The following STARD13 variants were observed in gnomAD, a reference collection of about 807,000 sequenced individuals.
The protein encoded by STARD13 is StAR related lipid transfer domain containing 13, also known as stAR-related lipid transfer protein 13.
STARD13 carries 62 observed loss-of-function variants against 106.4 expected under a neutral mutation model. That is an observed-to-expected ratio of 0.58 (90% CI 0.48 to 0.72). The LOEUF (loss-of-function observed/expected upper bound fraction) is 0.72. STARD13 is among the 30% of genes least tolerant of loss of function. STARD13 has a pLI of 0.00. For missense variants in STARD13, 1,387 were observed against 1,424.0 expected (o/e 0.97, Z 0.42); for synonymous variants, 565 against 553.0 (o/e 1.02, Z -0.31).
chr13:33,558,276 A>G, the STARD13 span, among the ~76,000 whole-genome samples: 1 of 152,190 alleles, frequency 6.6e-6, no homozygotes, highest in Non-Finnish European at 1.5e-5. Flanking sequence ...CTTATCTATA[A>G]ATTGGGGATG....
intron 1 of STARD13, among the ~76,000 whole-genome samples, chr13:33,304,188 C>A (rs767155717): frequency 6.6e-6 from 1 of 152,184 alleles, no homozygotes; most frequent in Non-Finnish European, 1.5e-5. Context: ...TGTTACTGAG[C>A]CATAGATGTC....
the STARD13 span, among the ~76,000 whole-genome samples, chr13:33,518,249 T>C: frequency 6.6e-6 from 1 of 152,162 alleles, no homozygotes; most frequent in Admixed American, 6.5e-5. Context: ...CAGATTTACT[T>C]GGGCAAGACA....
chr13:33,614,248 G>T, the STARD13 span, among the ~76,000 whole-genome samples: 23 of 115,818 alleles, frequency 2.0e-4, no homozygotes, highest in African/African-American at 5.6e-4. Context: ...TAAATAGACC[G>T]TATCTCTATG....
chr13:33,333,293 C>T (rs1389736603), intron 1 of STARD13, among the ~76,000 whole-genome samples: 1 of 152,068 alleles, frequency 6.6e-6, no homozygotes, highest in Non-Finnish European at 1.5e-5. Flanking sequence ...GAGGCTGAGG[C>T]ATGACAATAG....
the STARD13 span, among the ~76,000 whole-genome samples, chr13:33,396,689 C>G: frequency 6.6e-6 from 1 of 152,280 alleles, no homozygotes; most frequent in South Asian, 2.1e-4. Flanking sequence ...AAGGGGATAT[C>G]TGATTCTACC....
intron 1 of STARD13, among the ~76,000 whole-genome samples, chr13:33,201,841 C>T (rs1887059713): frequency 6.6e-6 from 1 of 152,156 alleles, no homozygotes; most frequent in Non-Finnish European, 1.5e-5. Flanking sequence ...GTGTAAAGAA[C>T]CTAAAAATGG....
Position 33,129,757 on chromosome 13 carries a change from G to A in STARD13, c.920C>T (p.Pro307Leu). ...SFKAMQCIQIPNGDLQNSPPP... is the reference protein window; with the variant it reads ...SFKAMQCIQILNGDLQNSPPP... ...CGGCGAATTCTGGAGATCTCCATTT[G>A]GTATTTGGATGCACTGCATAGCCTT... The change falls in exon 5 of 14, where the codon CCA (proline) becomes CTA (leucine). Residue 307 changes from proline to leucine, a missense_variant. Physicochemically the swap from Pro to Leu is moderately conservative, Grantham distance 98. Transcript: ENST00000336934. The A allele has an allele frequency of 6.2e-7, 1 of 1,614,064 alleles. No homozygotes were observed. The highest frequency in any genetic ancestry group is 8.5e-7 in the Non-Finnish European group (1 of 1,180,038).
At chr13:33,532,435 TG>T in the STARD13 span, among the ~76,000 whole-genome samples, 10 of 152,158 alleles carry the variant, frequency 6.6e-5, no homozygotes, top group Non-Finnish European at 1.5e-5. Flanking sequence ...TCTTTTTAGG[TG>T]TATGGAGAAC....
At chr13:33,273,191 A>T (rs1891246080) in intron 1 of STARD13, among the ~76,000 whole-genome samples, 1 of 152,202 alleles carries the variant, frequency 6.6e-6, no homozygotes, top group Non-Finnish European at 1.5e-5. Context: ...GAGGACAGAG[A>T]TTCCTAATAC....
At chr13:33,166,628 G>A (rs555094917) in intron 2 of STARD13, among the ~76,000 whole-genome samples, 2 of 152,290 alleles carry the variant, frequency 1.3e-5, no homozygotes, top group East Asian at 1.9e-4. Context: ...AGGACAATCC[G>A]AGAAGAAGTT....
At chr13:33,113,304 T>C (rs1874887800) in intron 8 of STARD13, 1 of 370,458 alleles carries the variant, frequency 2.7e-6, no homozygotes, top group Admixed American at 3.7e-5. Flanking sequence ...GCATCCCTCT[T>C]GCCCATCCTC....
At chr13:33,607,102 T>C in the STARD13 span, among the ~76,000 whole-genome samples, 15 of 152,060 alleles carry the variant, frequency 9.9e-5, no homozygotes, top group Admixed American at 9.2e-4. Context: ...AGTTTTGTTT[T>C]TTTTTTTTTG....
chr13:33,459,634 T>C, the STARD13 span, among the ~76,000 whole-genome samples: 2 of 152,198 alleles, frequency 1.3e-5, no homozygotes, highest in Non-Finnish European at 2.9e-5. Flanking sequence ...AATCGTATGA[T>C]AGGTGTGTTT....
chr13:33,653,123 T>C, the STARD13 span, among the ~76,000 whole-genome samples: 1 of 152,186 alleles, frequency 6.6e-6, no homozygotes, highest in Admixed American at 6.5e-5. Context: ...AGAGATTCAA[T>C]GTAATCTCTA....
chr13:33,521,735 A>G, the STARD13 span, among the ~76,000 whole-genome samples: 1 of 152,168 alleles, frequency 6.6e-6, no homozygotes, highest in Non-Finnish European at 1.5e-5. Context: ...GGAAAATTAA[A>G]TATTCCCTAT....
At chr13:33,138,601 A>G (rs1448356178) in intron 4 of STARD13, 1 of 235,210 alleles carries the variant, frequency 4.3e-6, no homozygotes, top group Non-Finnish European at 8.5e-6. Flanking sequence ...ATCCATAGTC[A>G]CATAGAAATT....
At chr13:33,352,822 G>T (rs747873622), upstream of STARD13, among the ~76,000 whole-genome samples, 75 of 152,212 alleles carry the variant, frequency 4.9e-4, 1 homozygote, top group Admixed American at 1.2e-3. Context: ...GGGCTACTTG[G>T]AGTAATCTGT....
the STARD13 span, among the ~76,000 whole-genome samples, chr13:33,541,344 G>A: frequency 1.3e-5 from 2 of 152,078 alleles, no homozygotes; most frequent in Admixed American, 6.6e-5. Flanking sequence ...CCTCTTTCAC[G>A]TGTTTTCTAG....
chr13:33,436,741 G>C, the STARD13 span, among the ~76,000 whole-genome samples: 8 of 152,284 alleles, frequency 5.3e-5, no homozygotes, highest in Non-Finnish European at 1.2e-4. Context: ...TTAATCTGTA[G>C]TGAAAGCAAT....
Sources: allele counts gnomAD v4.1 joint callset (sites outside exome capture counted in the v4.1 genomes callset), GRCh38; gene constraint gnomAD v4.1.1; transcripts MANE v1.5; gene names NCBI Gene and HGNC (gene_info 2026-07-23, HGNC 2026-07-21).